YBEY: variants seen among roughly 807,000 people sequenced by gnomAD.
YBEY encodes ybeY metalloendoribonuclease, also known as endoribonuclease YbeY.
In YBEY, 15 loss-of-function variants were observed where a neutral mutation model predicts 13.5. The observed-to-expected ratio is 1.11, with a 90% CI of 0.75 to 1.72. The LOEUF is 1.72. Ranked by LOEUF, YBEY falls within the 40% of genes most tolerant of loss-of-function variation. The pLI, the probability that YBEY is intolerant of heterozygous loss-of-function variation, is 0.00. For missense variants in YBEY, 244 were observed against 208.4 expected (o/e 1.17, Z -1.05); for synonymous variants, 101 against 83.1 (o/e 1.21, Z -1.17).
chr21:46,293,919 C>CTT (rs1601594224), intron 3 of YBEY, among the ~76,000 whole-genome samples: 1 of 4,244 alleles, frequency 2.4e-4, no homozygotes, highest in East Asian at 0.028. Context: ...ATTCCTCCCG[C>CTT]GGTTAGCCTG....
the YBEY span, among the ~76,000 whole-genome samples, chr21:46,304,031 T>G: frequency 6.1e-5 from 7 of 113,980 alleles, no homozygotes; most frequent in East Asian, 7.4e-4. Flanking sequence ...TTTTTTTTTT[T>G]TTTTTTTTTT....
chr21:46,312,299 G>C, the YBEY span, among the ~76,000 whole-genome samples: 3 of 152,180 alleles, frequency 2.0e-5, no homozygotes, highest in African/African-American at 7.2e-5. Context: ...TTTAATAGGA[G>C]CAACCAACAC....
chr21:46,302,235 T>C, downstream of YBEY: 1 of 1,432,236 alleles, frequency 7.0e-7, no homozygotes, highest in Non-Finnish European at 9.1e-7. Flanking sequence ...TAACTGGGGC[T>C]GGATCCCATG....
intron 4 of YBEY, 116 bp from the exon 5 acceptor site, chr21:46,297,423 C>G: frequency 9.8e-7 from 1 of 1,023,724 alleles, no homozygotes; most frequent in Non-Finnish European, 1.3e-6. Flanking sequence ...GCTAGAGCCG[C>G]GCGGGCGGCC....
At chr21:46,301,107 A>T (rs746484009), downstream of YBEY, 20 of 1,009,956 alleles carry the variant, frequency 2.0e-5, no homozygotes, top group Non-Finnish European at 2.3e-5. Context: ...TATTAACTCA[A>T]AAGGGATCAC....
chr21:46,302,184 G>A (rs968403837), downstream of YBEY: 55 of 1,444,204 alleles, frequency 3.8e-5, no homozygotes, highest in Non-Finnish European at 4.6e-5. Context: ...TGCTTAGGAC[G>A]CAGCCCAGGC....
At chr21:46,302,015 G>A (rs765751360), downstream of YBEY, 25 of 1,532,912 alleles carry the variant, frequency 1.6e-5, no homozygotes, top group Admixed American at 1.2e-4. Context: ...TGGGCCAGGC[G>A]TCCACAGGCT....
chr21:46,291,598 G>C, intron 3 of YBEY, 136 bp downstream of exon 3: 1 of 1,482,970 alleles, frequency 6.7e-7, no homozygotes, highest in Non-Finnish European at 8.9e-7. Flanking sequence ...TGTAAGCAGG[G>C]TGTGAGGAGC....
the YBEY span, chr21:46,311,356 C>T: frequency 3.7e-6 from 2 of 536,116 alleles, no homozygotes; most frequent in East Asian, 6.3e-5. Context: ...TGTTGAACAG[C>T]CAAAAGCTGG....
At chr21:46,287,560 G>A (rs13052495) in intron 2 of YBEY, among the ~76,000 whole-genome samples, 62,111 of 151,890 alleles carry the variant, frequency 0.41, 13,266 homozygotes, top group Admixed American at 0.48. Context: ...AAGTATATAT[G>A]TTACAGACAT....
chr21:46,291,677 C>A (rs1298262865), intron 3 of YBEY: 2 of 1,330,830 alleles, frequency 1.5e-6, no homozygotes, highest in African/African-American at 1.5e-5. Flanking sequence ...GCTGTGAAAA[C>A]ACAGAAGCTC....
chr21:46,310,164 A>G, the YBEY span, among the ~76,000 whole-genome samples: 1 of 152,080 alleles, frequency 6.6e-6, no homozygotes, highest in Non-Finnish European at 1.5e-5. Flanking sequence ...TGATATAAGT[A>G]TATGTTATAT....
At chr21:46,301,046 CA>C, downstream of YBEY, 1 of 1,021,664 alleles carries the variant, frequency 9.8e-7, no homozygotes, top group Non-Finnish European at 1.2e-6. Context: ...TGCAAACCAG[CA>C]TGTAGAGATT....
chr21:46,288,850 T>A (rs1470165623), intron 2 of YBEY, among the ~76,000 whole-genome samples: 1 of 152,034 alleles, frequency 6.6e-6, no homozygotes, highest in African/African-American at 2.4e-5. Flanking sequence ...AAACCTTGTT[T>A]CTACAAAAAA....
chr21:46,303,852 C>T, the YBEY span, among the ~76,000 whole-genome samples: 6,948 of 138,952 alleles, frequency 0.05, 256 homozygotes, highest in Non-Finnish European at 0.073. Flanking sequence ...CCTGGGTTCA[C>T]GCCATTCTCC....
chr21:46,302,434 C>T (rs759621418), downstream of YBEY: 5 of 1,414,682 alleles, frequency 3.5e-6, no homozygotes, highest in East Asian at 2.4e-5. Context: ...GAAGAAAAAC[C>T]ACCCAGGCCC....
chr21:46,300,536 CAG>C (rs1183715315), downstream of YBEY: 4 of 616,058 alleles, frequency 6.5e-6, no homozygotes, highest in Admixed American at 4.8e-5. Flanking sequence ...AACGAGAGCA[CAG>C]AGTCTCTGGA....
intron 3 of YBEY, among the ~76,000 whole-genome samples, chr21:46,294,547 CA>C (rs2081877731): frequency 1.3e-5 from 1 of 74,350 alleles, no homozygotes; most frequent in African/African-American, 6.5e-5. Context: ...TCAGTGGAGT[CA>C]GCCACACAAG....
intron 2 of YBEY, among the ~76,000 whole-genome samples, chr21:46,290,828 C>G (rs1380979271): frequency 6.6e-6 from 1 of 151,850 alleles, no homozygotes; most frequent in Non-Finnish European, 1.5e-5. Flanking sequence ...GGTGGATCAC[C>G]TGAGGTTGGG....
Sources: gnomAD v4.1 joint callset for allele counts (sites outside exome capture counted in the v4.1 genomes callset) on GRCh38, gnomAD v4.1.1 for gene constraint, MANE v1.5 for transcripts, NCBI Gene and HGNC (gene_info 2026-07-23, HGNC 2026-07-21) for gene names.